ACACB: variants seen among roughly 807,000 people sequenced by gnomAD.
ACACB encodes acetyl-CoA carboxylase 2.
Under a neutral mutation model 278.8 loss-of-function variants are expected in ACACB, and 209 were observed. The observed-to-expected ratio is 0.75, with a 90% confidence interval of 0.67 to 0.84. The LOEUF (loss-of-function observed/expected upper bound fraction) is 0.84. Among genes scored for constraint, ACACB ranks in the 40% least tolerant of loss-of-function variants. ACACB has a pLI of 0.00. For synonymous variants in ACACB, 1,174 were observed against 1,285.6 expected (o/e 0.91, Z 1.86); for missense variants, 2,850 against 3,269.0 (o/e 0.87, Z 3.13).
chr12:109,179,024 ACTTCCAGAAG>A (rs1482916469), intron 9 of ACACB, 54 bp from the exon 10 acceptor site: 1 of 1,494,966 alleles, frequency 6.7e-7, no homozygotes, highest in Non-Finnish European at 9.2e-7. Context: ...TCTCCTGAGA[ACTTCCAGAAG>A]CTTCCAGAGC....
Position 109,235,604 on chromosome 12 carries a change from A to G in ACACB, c.4405-2A>G, listed in dbSNP as rs1170251158. On this transcript the variant is annotated splice_acceptor_variant, in intron 32 of 52. Coordinates refer to ENST00000338432, the MANE Select transcript of ACACB (RefSeq NM_001093.4). LOFTEE classifies it high-confidence loss of function. ...GTCTTGTGTGTGGATTTCTTTTTGC[A>G]GAAAGAATTTCCCAAGTTTTTCACA... 1.2e-6 allele frequency: 2 copies of G among 1,612,708 alleles called. No individual in the cohort carries two copies. Among genetic ancestry groups the G allele is most frequent in the Admixed American group, 1.7e-5 (1 of 59,974 alleles).
chr12:109,122,744 T>C (rs1229187462), intron 1 of ACACB, among the ~76,000 whole-genome samples: 1 of 152,156 alleles, frequency 6.6e-6, no homozygotes, highest in Non-Finnish European at 1.5e-5. Context: ...CCTGTTTTTT[T>C]TTAACACCTT....
chr12:109,245,957 T>C (rs946340329), intron 38 of ACACB, among the ~76,000 whole-genome samples: 15 of 151,948 alleles, frequency 9.9e-5, no homozygotes, highest in Admixed American at 2.6e-4. Flanking sequence ...TGTGTGGTGG[T>C]GTGCTCCTAT....
intron 28 of ACACB, among the ~76,000 whole-genome samples, chr12:109,229,607 G>A (rs1053639688): frequency 2.0e-5 from 3 of 151,936 alleles, no homozygotes; most frequent in African/African-American, 7.3e-5. Context: ...TCAGCTCACT[G>A]CAGCCTCCGC....
chr12:109,200,625 CTTTA>C (rs1265859132), intron 18 of ACACB, among the ~76,000 whole-genome samples: 1 of 152,114 alleles, frequency 6.6e-6, no homozygotes, highest in Admixed American at 6.6e-5. Flanking sequence ...TTTTACTGAT[CTTTA>C]TTTTTTAACC....
At chr12:109,177,935 G>A (rs1448024431) in intron 9 of ACACB, among the ~76,000 whole-genome samples, 3 of 152,188 alleles carry the variant, frequency 2.0e-5, no homozygotes, top group Non-Finnish European at 4.4e-5. Context: ...AGGCCCTCAT[G>A]TGCACACAGA....
chr12:109,245,119 G>A (rs1327881532), intron 37 of ACACB, among the ~76,000 whole-genome samples: 1 of 152,040 alleles, frequency 6.6e-6, no homozygotes, highest in Non-Finnish European at 1.5e-5. Flanking sequence ...GGGAGGCAGA[G>A]GTTGCGGTGA....
chr12:109,254,444 C>A (rs548530041), intron 44 of ACACB, 110 bp downstream of exon 44: 457 of 1,095,630 alleles, frequency 4.2e-4, no homozygotes, highest in Middle Eastern at 9.0e-4. Flanking sequence ...GATATTCGTT[C>A]TCATATCCCA....
At chr12:109,250,413 C>T (rs550027021) in intron 41 of ACACB, among the ~76,000 whole-genome samples, 6 of 152,286 alleles carry the variant, frequency 3.9e-5, no homozygotes, top group African/African-American at 1.2e-4. Context: ...ACTAATATTA[C>T]ACCCAACAGA....
intron 1 of ACACB, among the ~76,000 whole-genome samples, chr12:109,134,605 A>G (rs1308548981): frequency 6.6e-6 from 1 of 152,214 alleles, no homozygotes; most frequent in African/African-American, 2.4e-5. Flanking sequence ...AGAATTTACT[A>G]TGCACAAGAG....
chr12:109,118,574 C>A (rs1355198679), intron 1 of ACACB, among the ~76,000 whole-genome samples: 2 of 152,032 alleles, frequency 1.3e-5, no homozygotes, highest in East Asian at 3.9e-4. Context: ...CTACCACGCC[C>A]AGCTAATTTT....
At chr12:109,171,057 T>C (rs1455118117) in intron 4 of ACACB, among the ~76,000 whole-genome samples, 1 of 148,854 alleles carries the variant, frequency 6.7e-6, no homozygotes, top group African/African-American at 2.5e-5. Flanking sequence ...TCTCTGTGTG[T>C]TGCCCAAACT....
rs375092829 is a variant in ACACB, at chr12:109,252,034, C to T, written c.5791-12C>T. The T allele has an allele frequency of 3.1e-6, 5 of 1,600,362 alleles. No individual in the cohort carries two copies. In the African/African-American group the frequency reaches 4.0e-5, roughly 13 times the overall value. On this transcript the variant is annotated splice_polypyrimidine_tract_variant and intron_variant, in intron 41 of 52. Transcript: ENST00000338432. ...CACTCTCCAGAATTCAGAGGGGGTC[C>T]TCTCTCCACAGGTGACCTGCCGAGC...
rs970848437 is a variant in ACACB, at chr12:109,220,309, C to T, written c.3565-2198C>T. Among the ~76,000 whole-genome samples the T allele has an allele frequency of 3.9e-5, 6 of 152,086 alleles. No individual in the cohort carries two copies. In the East Asian group the frequency reaches 9.6e-4, roughly 24 times the overall value. ...GTTAGAAAATAGTGAGTTCTCTGCA[C>T]CTGATGGTATTTGGTACCTGAGAGG... is the stretch of plus-strand genomic sequence containing the variant. On this transcript the variant is annotated intron_variant, in intron 24 of 52. Transcript: ENST00000338432.
chr12:109,242,712 G>A, intron 37 of ACACB, 120 bp downstream of exon 37: 1 of 1,262,152 alleles, frequency 7.9e-7, no homozygotes, highest in Non-Finnish European at 1.1e-6. Flanking sequence ...GTCTTGCCAG[G>A]TGCGGTGGCT....
chr12:109,176,346 C>A, intron 9 of ACACB, 83 bp downstream of exon 9: 1 of 1,246,628 alleles, frequency 8.0e-7, no homozygotes, highest in African/African-American at 1.5e-5. Context: ...TAGCATTATT[C>A]TGTGACAGTC....
At chr12:109,126,720 A>G (rs2042689498) in intron 1 of ACACB, among the ~76,000 whole-genome samples, 2 of 152,098 alleles carry the variant, frequency 1.3e-5, no homozygotes, top group Admixed American at 1.3e-4. Flanking sequence ...AAAAGAAAGA[A>G]AAAAGAAGTT....
intron 15 of ACACB, 92 bp from the exon 16 acceptor site, chr12:109,193,556 C>G (rs2044973604): frequency 1.9e-6 from 2 of 1,054,604 alleles, no homozygotes; most frequent in Non-Finnish European, 2.9e-6. Flanking sequence ...TTTGCTGATG[C>G]AGAGAGTTGC....
At chr12:109,135,868 G>A (rs529626697) in intron 1 of ACACB, among the ~76,000 whole-genome samples, 1 of 149,574 alleles carries the variant, frequency 6.7e-6, no homozygotes, top group African/African-American at 2.5e-5. Flanking sequence ...GGAGTGCAGT[G>A]GTGCGATCTC....
Sources: allele counts gnomAD v4.1 joint callset (sites outside exome capture counted in the v4.1 genomes callset), GRCh38; gene constraint gnomAD v4.1.1; transcripts MANE v1.5; gene names NCBI Gene and HGNC (gene_info 2026-07-23, HGNC 2026-07-21).